Variants in CTNNA1 observed in about 807,000 individuals in gnomAD.
CTNNA1 encodes catenin alpha-1.
CTNNA1 carries 37 observed loss-of-function variants against 98.4 expected under a neutral mutation model. The ratio of observed to expected loss-of-function variants is 0.38; its 90% CI spans 0.29 to 0.49. CTNNA1 has a LOEUF of 0.49. CTNNA1 is among the 20% of genes least tolerant of loss of function. The probability of loss-of-function intolerance (pLI) is 0.95; values close to 1 mark genes in which losing one functional copy is unlikely to be tolerated. For synonymous variants in CTNNA1, 404 were observed against 413.2 expected, an observed-to-expected ratio of 0.98 and a Z score of 0.27; for missense variants, 761 against 1,147.2, an observed-to-expected ratio of 0.66 and a Z score of 4.86.
intron 9 of CTNNA1, among the ~76,000 whole-genome samples, chr5:138,900,830 T>C (rs1195234025): frequency 6.6e-6 from 1 of 152,146 alleles, no homozygotes; most frequent in Non-Finnish European, 1.5e-5. Context: ...GCCGATTGTT[T>C]AAATGTTTTC....
At chr5:138,886,395 A>G in intron 8 of CTNNA1, 103 bp downstream of exon 8, 1 of 1,247,960 alleles carries the variant, frequency 8.0e-7, no homozygotes, top group South Asian at 1.5e-5. Flanking sequence ...ATTGAGAGAA[A>G]GGATGGATTT....
intron 9 of CTNNA1, among the ~76,000 whole-genome samples, chr5:138,893,601 T>G (rs1236593678): frequency 1.3e-5 from 2 of 151,526 alleles, no homozygotes; most frequent in African/African-American, 4.8e-5. Flanking sequence ...TTATTATTTT[T>G]TCTTATTTAA....
chr5:138,758,627 G>A (rs546466681), intron 1 of CTNNA1, among the ~76,000 whole-genome samples: 5 of 150,194 alleles, frequency 3.3e-5, no homozygotes, highest in South Asian at 2.1e-4. Flanking sequence ...TGCCCACCTC[G>A]GCCTCCCAAG....
At chr5:138,787,756 A>T (rs1010973364) in intron 3 of CTNNA1, among the ~76,000 whole-genome samples, 1 of 152,180 alleles carries the variant, frequency 6.6e-6, no homozygotes, top group African/African-American at 2.4e-5. Context: ...ACAGTTTTTG[A>T]TGTGTAACTT....
Position 138,812,258 on chromosome 5 carries a change from C to T in CTNNA1, c.544C>T (p.Pro182Ser), listed in dbSNP as rs1758898643. Residue 182 changes from proline (P) to serine (S), a missense_variant, in exon 5 of 18, where the codon CCT (proline) becomes TCT (serine). By Grantham distance (74) the Pro-to-Ser change is moderately conservative. Coordinates refer to ENST00000302763, the MANE Select transcript of CTNNA1 (RefSeq NM_001903.5). ...DLGIQYKALK[P>S]EVDKLNIMAA... ...AGGAATCCAGTATAAAGCCCTAAAA[C>T]CTGAAGTGGATAAGCTGAACATTAT... 1 of 1,613,814 alleles carries T rather than the reference C, an allele frequency of 6.2e-7. No homozygotes were observed. The highest frequency in any genetic ancestry group is 8.5e-7 in the Non-Finnish European group (1 of 1,179,890).
rs1060502221 is a variant in CTNNA1 at position 138,929,255 on chromosome 5, G to T, written c.1909G>T (p.Glu637Ter). The T allele has an allele frequency of 6.3e-7, 1 of 1,583,196 alleles. No homozygotes were observed. The highest frequency in any genetic ancestry group is 1.7e-5 in the Admixed American group (1 of 59,970). The change falls in exon 14 of 18, where the codon GAG becomes TAG. Residue 637 changes from glutamate to a stop codon, truncating the protein, a stop_gained. Coordinates refer to ENST00000302763, the MANE Select transcript of CTNNA1 (RefSeq NM_001903.5). LOFTEE classifies it high-confidence loss of function. ...KAVLMIRTPE[E>*]LDDSDFETED... ...TTTGTCTGGGTGGCAGACCCCTGAG[G>T]AGTTGGATGACTCTGACTTTGAGAC...
At chr5:138,847,836 A>AAT (rs1762865163) in intron 7 of CTNNA1, among the ~76,000 whole-genome samples, 1 of 152,178 alleles carries the variant, frequency 6.6e-6, no homozygotes, top group African/African-American at 2.4e-5. Flanking sequence ...AATAGTCATT[A>AAT]AGTTTGTGTT....
intron 7 of CTNNA1, among the ~76,000 whole-genome samples, chr5:138,836,959 C>T (rs550500860): frequency 2.6e-5 from 4 of 152,108 alleles, no homozygotes; most frequent in Admixed American, 6.5e-5. Flanking sequence ...AAACTTAGAC[C>T]GTTAGATTTG....
At chr5:138,861,789 A>G (rs547608646) in intron 7 of CTNNA1, among the ~76,000 whole-genome samples, 1 of 152,346 alleles carries the variant, frequency 6.6e-6, no homozygotes, top group South Asian at 2.1e-4. Context: ...AGCAAAGAGA[A>G]GCGTGGACTG....
At position 138,873,849 on chromosome 5, in the gene CTNNA1, A is replaced by T; in HGVS notation, c.1063-12363A>T. Reference sequence around the variant, plus strand: ...CATGTCAAGTTGCTGATTTTGTTCCATTGTAAGAAGAGCGTGTGCAGACTG... The same window carrying T: ...CATGTCAAGTTGCTGATTTTGTTCCTTTGTAAGAAGAGCGTGTGCAGACTG... On this transcript the variant is annotated intron_variant, in intron 7 of 17. Coordinates refer to ENST00000302763, the MANE Select transcript of CTNNA1 (RefSeq NM_001903.5). This position sits in a 1 kb window ranked among gnomAD's most constrained non-coding sequence, Gnocchi z 6.1. 4 of 1,614,042 alleles carry T rather than the reference A, an allele frequency of 2.5e-6. No individual in the cohort carries two copies. Among genetic ancestry groups the T allele is most frequent in the Non-Finnish European group, 3.4e-6 (4 of 1,179,900 alleles).
At chr5:138,931,129 G>A (rs1393506817) in intron 16 of CTNNA1, 194 bp downstream of exon 16, 11 of 572,726 alleles carry the variant, frequency 1.9e-5, no homozygotes, top group African/African-American at 1.1e-4. Flanking sequence ...ATCTTCCATC[G>A]CTTGGTAGCC....
chr5:138,781,866 A>G, intron 1 of CTNNA1, 57 bp from the exon 2 acceptor site: 1 of 1,476,126 alleles, frequency 6.8e-7, no homozygotes. Flanking sequence ...AAGATTTGTT[A>G]CATATTTCAT....
intron 9 of CTNNA1, among the ~76,000 whole-genome samples, chr5:138,888,230 T>G (rs1754518104): frequency 6.6e-6 from 1 of 152,168 alleles, no homozygotes; most frequent in Non-Finnish European, 1.5e-5. Flanking sequence ...AGTAGTTGGT[T>G]TGTAGGGTGG....
At chr5:138,928,433 C>T (rs1679258904) in intron 13 of CTNNA1, among the ~76,000 whole-genome samples, 2 of 152,146 alleles carry the variant, frequency 1.3e-5, no homozygotes, top group South Asian at 4.1e-4. Flanking sequence ...AAATACATTG[C>T]CTATTTTTAC....
chr5:138,853,509 G>T (rs1329095832), intron 7 of CTNNA1, among the ~76,000 whole-genome samples: 1 of 150,636 alleles, frequency 6.6e-6, no homozygotes, highest in Non-Finnish European at 1.5e-5. Flanking sequence ...AAAAAAAAAA[G>T]TATTGAAGTT....
intron 1 of CTNNA1, among the ~76,000 whole-genome samples, chr5:138,777,869 C>T (rs1295044328): frequency 2.9e-4 from 31 of 106,970 alleles, no homozygotes; most frequent in African/African-American, 3.6e-4. Context: ...AGAGGGAGAC[C>T]GTGGGGAGAG....
chr5:138,846,191 A>G (rs888930038), intron 7 of CTNNA1, among the ~76,000 whole-genome samples: 2 of 152,128 alleles, frequency 1.3e-5, no homozygotes, highest in African/African-American at 4.8e-5. Flanking sequence ...GCCTCAGGTG[A>G]TCCACCCTCC....
At chr5:138,754,529 G>A (rs1019793930) in intron 1 of CTNNA1, 1 of 152,178 alleles carries the variant, frequency 6.6e-6, no homozygotes, top group South Asian at 2.1e-4. Flanking sequence ...TTATATTTAT[G>A]ATGAAGGAAA....
chr5:138,813,794 CT>C (rs1184689251), intron 5 of CTNNA1, among the ~76,000 whole-genome samples: 6 of 152,006 alleles, frequency 3.9e-5, no homozygotes, highest in Non-Finnish European at 8.8e-5. Context: ...AATTTTTGTA[CT>C]TTTTGTAGAT....
Sources: allele counts gnomAD v4.1 joint callset (sites outside exome capture counted in the v4.1 genomes callset), GRCh38; gene constraint gnomAD v4.1.1; non-coding constraint Gnocchi (gnomAD v3.1); transcripts MANE v1.5; gene names NCBI Gene and HGNC (gene_info 2026-07-23, HGNC 2026-07-21).